Variants in CADM1 observed in about 807,000 individuals in gnomAD.
CADM1 encodes the protein TSLC-1.
Under a neutral mutation model 53.1 loss-of-function variants are expected in CADM1, and 15 were observed. The ratio of observed to expected loss-of-function variants is 0.28; its 90% CI spans 0.19 to 0.44. CADM1 has a LOEUF of 0.44. Among genes scored for constraint, CADM1 ranks in the 20% least tolerant of loss-of-function variants. The probability of loss-of-function intolerance (pLI) is 1.00; values close to 1 mark genes in which losing one functional copy is unlikely to be tolerated. For synonymous variants in CADM1, 281 were observed against 243.0 expected (o/e 1.16, Z -1.45); for missense variants, 434 against 611.3 (o/e 0.71, Z 3.06).
intron 1 of CADM1, among the ~76,000 whole-genome samples, chr11:115,382,839 A>T (rs1022205402): frequency 6.6e-6 from 1 of 152,204 alleles, no homozygotes; most frequent in Non-Finnish European, 1.5e-5. Context: ...ATCCTTAGAG[A>T]TGGTACACGT....
At chr11:115,296,841 C>G (rs1944090916) in intron 1 of CADM1, among the ~76,000 whole-genome samples, 1 of 149,450 alleles carries the variant, frequency 6.7e-6, no homozygotes, top group Non-Finnish European at 1.5e-5. Flanking sequence ...TGAATCTCAT[C>G]TTTAGAGTGT....
rs112096771 is a variant in CADM1, at chr11:115,413,752, C to T, written c.124+90519G>A. Among the ~76,000 whole-genome samples the T allele has an allele frequency of 2.6e-5, 4 of 151,690 alleles. No homozygotes were observed. In the South Asian group the frequency reaches 8.3e-4, roughly 32 times the overall value. ...CTCTGCTTCCAGGGTTTAAGTGATT[C>T]TCCTGCCTCAGCCTGTGGAGTAGCT... is the stretch of plus-strand genomic sequence containing the variant. On this transcript the variant is annotated intron_variant, in intron 1 of 11. Transcript: ENST00000331581.
intron 1 of CADM1, among the ~76,000 whole-genome samples, chr11:115,428,588 G>A (rs1591224471): frequency 6.6e-6 from 1 of 152,156 alleles, no homozygotes; most frequent in Non-Finnish European, 1.5e-5. Context: ...TCAATATGTT[G>A]TGTGTTCATG....
At chr11:115,182,151 C>A (rs1565282087) in intron 10 of CADM1, among the ~76,000 whole-genome samples, 1 of 152,206 alleles carries the variant, frequency 6.6e-6, no homozygotes, top group Non-Finnish European at 1.5e-5. Context: ...TGGGGACATT[C>A]TCTTCAGATT....
chr11:115,360,862 G>A (rs1368890444), intron 1 of CADM1, among the ~76,000 whole-genome samples: 1 of 149,502 alleles, frequency 6.7e-6, no homozygotes, highest in Non-Finnish European at 1.5e-5. Flanking sequence ...AATACAGCAA[G>A]AATTTTATTT....
chr11:115,288,708 C>T (rs762915829), intron 1 of CADM1, among the ~76,000 whole-genome samples: 1 of 152,178 alleles, frequency 6.6e-6, no homozygotes, highest in Non-Finnish European at 1.5e-5. Context: ...TCATGCTGCC[C>T]TGTCACTGTT....
At chr11:115,477,072 G>A (rs1949150140) in intron 1 of CADM1, among the ~76,000 whole-genome samples, 1 of 152,080 alleles carries the variant, frequency 6.6e-6, no homozygotes, top group African/African-American at 2.4e-5. Context: ...GGGCAGGATA[G>A]GGCAGGATAG....
chr11:115,268,428 A>T (rs772029070), intron 1 of CADM1, among the ~76,000 whole-genome samples: 2 of 152,092 alleles, frequency 1.3e-5, no homozygotes, highest in African/African-American at 4.8e-5. Context: ...CACCACCACA[A>T]CCAAATCTCT....
chr11:115,245,541 A>G (rs923786301), intron 1 of CADM1, among the ~76,000 whole-genome samples: 2 of 152,168 alleles, frequency 1.3e-5, no homozygotes, highest in African/African-American at 4.8e-5. Context: ...CTATTTTTAC[A>G]ACCCTGTTCA....
chr11:115,389,576 T>C (rs1946782288), intron 1 of CADM1, among the ~76,000 whole-genome samples: 2 of 152,162 alleles, frequency 1.3e-5, no homozygotes, highest in Non-Finnish European at 2.9e-5. Context: ...TACAAAAGTT[T>C]ATAACAATTG....
intron 10 of CADM1, among the ~76,000 whole-genome samples, chr11:115,182,218 G>A (rs927391413): frequency 6.6e-6 from 1 of 152,146 alleles, no homozygotes. Flanking sequence ...TTCTACAGCT[G>A]CCCCTAGCTT....
At chr11:115,498,350 G>A (rs1330381653) in intron 1 of CADM1, among the ~76,000 whole-genome samples, 1 of 152,176 alleles carries the variant, frequency 6.6e-6, no homozygotes, top group African/African-American at 2.4e-5. Context: ...AAATGCAAAG[G>A]TATTTATACC....
At chr11:115,339,702 GA>G (rs1945373201) in intron 1 of CADM1, among the ~76,000 whole-genome samples, 1 of 151,866 alleles carries the variant, frequency 6.6e-6, no homozygotes. Context: ...TATAGAAAAT[GA>G]AAAAAAGAAT....
intron 1 of CADM1, among the ~76,000 whole-genome samples, chr11:115,342,333 C>T (rs954141251): frequency 9.9e-5 from 15 of 152,146 alleles, no homozygotes; most frequent in Admixed American, 6.6e-5. Context: ...CTGAATCTGT[C>T]TTAAGTAATA....
In CADM1 at chr11:115,296,633, C is replaced by T. The variant is rs143863532; in HGVS notation, c.125-56213G>A. ...TTATGACACAGCATGAAAGCCCTCA[C>T]CAGAAGTCAGGGACATGCCCTTAAA... On this transcript the variant is annotated intron_variant, in intron 1 of 11. Coordinates refer to ENST00000331581, the MANE Select transcript of CADM1 (RefSeq NM_001301043.2). Among the ~76,000 whole-genome samples, 1,104 of 152,292 alleles carry T rather than the reference C, an allele frequency of 7.2e-3. 10 individuals are homozygous for T. The highest frequency in any genetic ancestry group is 0.025 in the African/African-American group (1,051 of 41,546).
At chr11:115,378,983 T>C (rs1427961143) in intron 1 of CADM1, among the ~76,000 whole-genome samples, 1 of 152,220 alleles carries the variant, frequency 6.6e-6, no homozygotes, top group Non-Finnish European at 1.5e-5. Flanking sequence ...TCCTGATATT[T>C]AGTAATTTAA....
intron 1 of CADM1, among the ~76,000 whole-genome samples, chr11:115,263,953 T>C (rs575343430): frequency 1.4e-4 from 22 of 152,316 alleles, no homozygotes; most frequent in African/African-American, 5.1e-4. Context: ...TCTTTTCTGA[T>C]TCCAGTGTGA....
intron 1 of CADM1, among the ~76,000 whole-genome samples, chr11:115,409,639 G>T (rs961227078): frequency 1.3e-5 from 2 of 151,800 alleles, no homozygotes; most frequent in South Asian, 2.1e-4. Flanking sequence ...TGACCTGGTG[G>T]TCAAAATAAT....
intron 9 of CADM1, among the ~76,000 whole-genome samples, chr11:115,193,630 T>C (rs1014090720): frequency 1.3e-5 from 2 of 152,108 alleles, no homozygotes; most frequent in African/African-American, 2.4e-5. Flanking sequence ...TTAGAAACAG[T>C]AAGAAATTCT....
Sources: gnomAD v4.1 joint callset for allele counts (sites outside exome capture counted in the v4.1 genomes callset) on GRCh38, gnomAD v4.1.1 for gene constraint, MANE v1.5 for transcripts, NCBI Gene and HGNC (gene_info 2026-07-23, HGNC 2026-07-21) for gene names.